Variants in SPIDR observed in about 807,000 individuals in gnomAD.
SPIDR encodes scaffold protein involved in DNA repair, also known as DNA repair-scaffolding protein.
In SPIDR, 93 loss-of-function variants were observed where a neutral mutation model predicts 104.6. That is an observed-to-expected ratio of 0.89 (90% CI 0.75 to 1.06). The LOEUF (loss-of-function observed/expected upper bound fraction) is 1.06, where lower values mean the gene tolerates loss of function less well. SPIDR is among the 50% of genes least tolerant of loss of function. The pLI, the probability that SPIDR is intolerant of heterozygous loss-of-function variation, is 0.00. For missense variants in SPIDR, 1,154 were observed against 1,111.2 expected (o/e 1.04, Z -0.55); for synonymous variants, 431 against 416.9 (o/e 1.03, Z -0.41).
intron 1 of SPIDR, among the ~76,000 whole-genome samples, chr8:47,269,136 C>T (rs2034718101): frequency 6.7e-6 from 1 of 149,978 alleles, no homozygotes; most frequent in Non-Finnish European, 1.5e-5. Context: ...TACTGCACTC[C>T]AGCCTGGGCA....
intron 10 of SPIDR, among the ~76,000 whole-genome samples, chr8:47,625,554 T>G (rs2065924645): frequency 6.6e-6 from 1 of 152,102 alleles, no homozygotes; most frequent in Admixed American, 6.5e-5. Flanking sequence ...GGATACAAAA[T>G]CAATGTGCAA....
chr8:47,652,779 T>TAGTC (rs759897504), intron 10 of SPIDR, among the ~76,000 whole-genome samples: 8 of 152,270 alleles, frequency 5.3e-5, no homozygotes, highest in Admixed American at 3.3e-4. Flanking sequence ...TCAGAGCAGG[T>TAGTC]AGAACATGTA....
chr8:47,542,336 C>G (rs1014438775), intron 8 of SPIDR, among the ~76,000 whole-genome samples: 2 of 151,878 alleles, frequency 1.3e-5, no homozygotes, highest in African/African-American at 4.8e-5. Flanking sequence ...GTGAATGTAA[C>G]CAGAGGCAAA....
At chr8:47,313,427 G>A (rs1420260598) in intron 5 of SPIDR, among the ~76,000 whole-genome samples, 1 of 152,156 alleles carries the variant, frequency 6.6e-6, no homozygotes, top group Non-Finnish European at 1.5e-5. Context: ...ACAAACAAAT[G>A]GAAGAACATT....
rs548311592 is a variant in SPIDR, at chr8:47,261,103, G to T, written c.33+112G>T. Reference sequence around the variant, plus strand: ...TGGGGTGAGAGAGGGTGGGCGTTGGGGGTGAAGGGCTAGGTGGTGGCGGGT... The same window carrying T: ...TGGGGTGAGAGAGGGTGGGCGTTGGTGGTGAAGGGCTAGGTGGTGGCGGGT... On this transcript the variant is annotated intron_variant, in intron 1 of 19. Transcript: ENST00000297423. The T allele has an allele frequency of 6.2e-4, 717 of 1,148,292 alleles. 1 individual carries two copies. The highest frequency in any genetic ancestry group is 1.7e-3 in the Middle Eastern group (5 of 2,982). 71.1% of individuals were successfully genotyped at this position (1,148,292 alleles called of 1,614,324 possible).
chr8:47,679,892 C>T (rs1243068164), intron 11 of SPIDR, among the ~76,000 whole-genome samples: 2 of 152,250 alleles, frequency 1.3e-5, no homozygotes, highest in Admixed American at 1.3e-4. Flanking sequence ...ACATGATAAG[C>T]AAATAATTTG....
At chr8:47,697,492 G>A (rs1339941125) in intron 11 of SPIDR, among the ~76,000 whole-genome samples, 2 of 152,096 alleles carry the variant, frequency 1.3e-5, no homozygotes, top group Admixed American at 1.3e-4. Flanking sequence ...TAAAAACATA[G>A]CACTGAAAGT....
chr8:47,603,120 C>G lies in SPIDR; in HGVS notation c.1544+3924C>G, dbSNP rs555639852. Among the ~76,000 whole-genome samples the G allele has an allele frequency of 8.6e-5, 13 of 151,472 alleles. No individual in the cohort carries two copies. In the East Asian group the frequency reaches 2.5e-3, roughly 30 times the overall value. The stretch of plus-strand genomic sequence containing the variant: ...ATAGATAGACTACATGTTGAATGAT[C>G]ATTAGATAAATGCATGACTAATAAA... On this transcript the variant is annotated intron_variant, in intron 10 of 19. Transcript: ENST00000297423.
Position 47,568,295 on chromosome 8 carries a change from A to G in SPIDR, c.1098-27516A>G, listed in dbSNP as rs2058130365. On this transcript the variant is annotated intron_variant, in intron 8 of 19. Transcript: ENST00000297423. ...GGAGATCTTCGTAATACACTTCTTT[A>G]TAGGGCCAATATGAAGATGAAAAGT... Among the ~76,000 whole-genome samples the G allele has an allele frequency of 2.0e-5, 3 of 152,274 alleles. No homozygotes were observed. In the South Asian group the frequency reaches 6.2e-4, roughly 32 times the overall value.
rs574565296 is a variant in SPIDR, at chr8:47,274,168, C to A, written c.34-5694C>A. 1.1e-3 allele frequency among the ~76,000 whole-genome samples: 163 copies of A among 152,246 alleles called. 2 individuals carry two copies. In the Middle Eastern group the frequency reaches 0.017, roughly 16 times the overall value. On this transcript the variant is annotated intron_variant, in intron 1 of 19. Transcript: ENST00000297423. ...CTATGGCAGGAACCTGGGATAATGA[C>A]CAGATATATTTCATGTTATAGCACA...
intron 5 of SPIDR, among the ~76,000 whole-genome samples, chr8:47,363,124 C>A (rs1419838531): frequency 6.6e-6 from 1 of 151,100 alleles, no homozygotes; most frequent in Non-Finnish European, 1.5e-5. Context: ...GTCCCCTAGA[C>A]GAGTTCATGT....
chr8:47,475,999 T>C (rs2076247061), intron 8 of SPIDR, among the ~76,000 whole-genome samples: 1 of 152,226 alleles, frequency 6.6e-6, no homozygotes, highest in Non-Finnish European at 1.5e-5. Context: ...TAGATTTACC[T>C]CTTTGAGGTT....
At chr8:47,426,212 C>T (rs2066386813) in intron 7 of SPIDR, among the ~76,000 whole-genome samples, 1 of 152,110 alleles carries the variant, frequency 6.6e-6, no homozygotes, top group South Asian at 2.1e-4. Context: ...TGAGATCATG[C>T]CATTGCACTA....
rs150616490 is a variant in SPIDR, at chr8:47,703,523, A to T, written c.1977+1508A>T. On this transcript the variant is annotated intron_variant, in intron 14 of 19. Transcript: ENST00000297423. ...GGGTTGTATGGTTTTCATAGCAACT[A>T]CTCAGCTCCACCTTGCAGTGCAAAA... Among the ~76,000 whole-genome samples the T allele has an allele frequency of 6.6e-4, 101 of 152,314 alleles. 3 individuals carry two copies. In the East Asian group the frequency reaches 0.019, roughly 29 times the overall value.
intron 5 of SPIDR, among the ~76,000 whole-genome samples, chr8:47,329,731 G>GA (rs1470055498): frequency 6.6e-6 from 1 of 152,152 alleles, no homozygotes; most frequent in Non-Finnish European, 1.5e-5. Flanking sequence ...GAAGGGAAAA[G>GA]AAAGGAGAGC....
chr8:47,661,406 A>G (rs989916767), intron 10 of SPIDR, among the ~76,000 whole-genome samples: 1 of 152,248 alleles, frequency 6.6e-6, no homozygotes, highest in African/African-American at 2.4e-5. Flanking sequence ...CCTTAGCTCA[A>G]GATCGCTAGC....
intron 8 of SPIDR, among the ~76,000 whole-genome samples, chr8:47,561,546 C>T (rs910296268): frequency 2.0e-5 from 3 of 152,206 alleles, no homozygotes; most frequent in Admixed American, 6.5e-5. Flanking sequence ...GCTCAGCAGT[C>T]AGTCTCTGAT....
At chr8:47,684,553 CA>C (rs2077506585) in intron 11 of SPIDR, among the ~76,000 whole-genome samples, 1 of 152,162 alleles carries the variant, frequency 6.6e-6, no homozygotes. Context: ...AATCTACTTC[CA>C]AAAGTTGTTA....
At chr8:47,419,868 C>A (rs868939029) in intron 7 of SPIDR, among the ~76,000 whole-genome samples, 1 of 152,110 alleles carries the variant, frequency 6.6e-6, no homozygotes, top group Non-Finnish European at 1.5e-5. Flanking sequence ...GCCTTCATTT[C>A]GTTATGTACC....
Sources: allele counts gnomAD v4.1 joint callset (sites outside exome capture counted in the v4.1 genomes callset), GRCh38; gene constraint gnomAD v4.1.1; transcripts MANE v1.5; gene names NCBI Gene and HGNC (gene_info 2026-07-23, HGNC 2026-07-21).